Variants in AGO2 observed in about 807,000 individuals in gnomAD.
AGO2 encodes the protein argonaute RISC catalytic component 2.
AGO2 carries 5 observed loss-of-function variants against 102.3 expected under a neutral mutation model. The ratio of observed to expected loss-of-function variants is 0.05; its 90% confidence interval spans 0.03 to 0.10. AGO2 has a LOEUF of 0.10. Among genes scored for constraint, AGO2 ranks in the 10% least tolerant of loss-of-function variants. The probability of loss-of-function intolerance (pLI) is 1.00; values close to 1 mark genes in which losing one functional copy is unlikely to be tolerated. For synonymous variants in AGO2, 449 were observed against 473.1 expected (o/e 0.95, Z 0.66); for missense variants, 541 against 1,183.7 (o/e 0.46, Z 7.97).
chr8:140,613,313 G>A (rs1306185413), intron 1 of AGO2, among the ~76,000 whole-genome samples: 1 of 152,164 alleles, frequency 6.6e-6, no homozygotes, highest in Non-Finnish European at 1.5e-5. Flanking sequence ...TAGGAAAAAT[G>A]TAAAACTACG....
intron 1 of AGO2, among the ~76,000 whole-genome samples, chr8:140,623,853 C>G (rs930202115): frequency 6.6e-6 from 1 of 152,022 alleles, no homozygotes; most frequent in Admixed American, 6.5e-5. Context: ...AAAGGGTAAG[C>G]GAGTTTCAAC....
chr8:140,559,571 G>A, intron 5 of AGO2, 42 bp from the exon 6 acceptor site: 1 of 1,591,536 alleles, frequency 6.3e-7, no homozygotes, highest in African/African-American at 1.4e-5. Flanking sequence ...CATGACTGTG[G>A]GGCTGCTGGA....
At chr8:140,639,909 G>A (rs148996883), upstream of AGO2, among the ~76,000 whole-genome samples, 196 of 152,316 alleles carry the variant, frequency 1.3e-3, 4 homozygotes, top group East Asian at 0.033. Context: ...ACTGGTGAGC[G>A]TGTCTGAATA....
At chr8:140,583,032 C>T (rs1042539108) in intron 2 of AGO2, among the ~76,000 whole-genome samples, 2 of 152,240 alleles carry the variant, frequency 1.3e-5, no homozygotes. Flanking sequence ...GATCTGCCCC[C>T]AGTGTGGGTA....
intron 1 of AGO2, among the ~76,000 whole-genome samples, chr8:140,597,138 G>A (rs747105416): frequency 1.7e-4 from 26 of 152,220 alleles, no homozygotes; most frequent in Middle Eastern, 3.2e-3. Context: ...GAGCTGTTTC[G>A]TTCATTTATA....
In AGO2 at chr8:140,567,895, C is replaced by A. The variant is rs547299607; in HGVS notation, c.336+4917G>T. 5.2e-4 allele frequency among the ~76,000 whole-genome samples: 79 copies of A among 152,180 alleles called. No individual in the cohort carries two copies. Among genetic ancestry groups the A allele is most frequent in the African/African-American group, 1.9e-3 (79 of 41,544 alleles). On this transcript the variant is annotated intron_variant, in intron 3 of 18. Coordinates refer to ENST00000220592, the MANE Select transcript of AGO2 (RefSeq NM_012154.5). This position sits in a 1 kb window ranked among gnomAD's most constrained non-coding sequence, Gnocchi z 5.0. Reference sequence around the variant, plus strand: ...ATCCCAGTACCGTGGGAGGCCGAGGCGGGCTGGATCGCTTGAGCTCAGGAG... The same window carrying A: ...ATCCCAGTACCGTGGGAGGCCGAGGAGGGCTGGATCGCTTGAGCTCAGGAG...
At chr8:140,584,485 GTATT>G (rs1486489018) in intron 2 of AGO2, among the ~76,000 whole-genome samples, 1 of 152,158 alleles carries the variant, frequency 6.6e-6, no homozygotes, top group Non-Finnish European at 1.5e-5. Flanking sequence ...CTACTCCTAG[GTATT>G]TATTTAAGAG....
chr8:140,535,095 G>A (rs912189030), intron 17 of AGO2, among the ~76,000 whole-genome samples: 1 of 152,192 alleles, frequency 6.6e-6, no homozygotes, highest in Non-Finnish European at 1.5e-5. Flanking sequence ...TGCCCCATGC[G>A]GCCCCTGCAG....
chr8:140,579,084 G>A (rs978781383), intron 2 of AGO2, among the ~76,000 whole-genome samples: 15 of 152,244 alleles, frequency 9.9e-5, no homozygotes, highest in African/African-American at 3.6e-4. Flanking sequence ...TTAGTGGAGT[G>A]TGGTGGTGCG....
In AGO2 at chr8:140,560,252, G is replaced by A. The variant is rs566475271; in HGVS notation, c.655+122C>T. The A allele has an allele frequency of 8.5e-6, 12 of 1,410,340 alleles. No homozygotes were observed. The East Asian group carries it at 9.3e-5, about 11-fold the overall frequency. 87.4% of individuals were successfully genotyped at this position (1,410,340 alleles called of 1,614,324 possible). A position where few individuals can be genotyped will look rare whatever the true frequency, so the allele number is the denominator to read the frequency against. ...TGAGACCAGCCAGGTGTCACGCAGC[G>A]GCGCTGGCTCTGACAGAGGCCATGC... is the stretch of plus-strand genomic sequence containing the variant. On this transcript the variant is annotated intron_variant, in intron 5 of 18. Coordinates refer to ENST00000220592, the MANE Select transcript of AGO2 (RefSeq NM_012154.5).
chr8:140,592,683 CA>C (rs1251508115), intron 1 of AGO2: 4 of 152,182 alleles, frequency 2.6e-5, no homozygotes, highest in African/African-American at 2.4e-5. Flanking sequence ...TTAGTAGAGA[CA>C]GGGGTCTTGC....
chr8:140,548,434 G>T (rs2072939872), intron 12 of AGO2, among the ~76,000 whole-genome samples: 2 of 151,914 alleles, frequency 1.3e-5, no homozygotes, highest in Admixed American at 1.3e-4. Flanking sequence ...CCAAATCCTT[G>T]GCAGATGTAG....
At chr8:140,571,434 G>T (rs1344472194) in intron 3 of AGO2, among the ~76,000 whole-genome samples, 1 of 152,224 alleles carries the variant, frequency 6.6e-6, no homozygotes, top group Non-Finnish European at 1.5e-5. Context: ...GGAAATTGAA[G>T]GCTACAGCAA....
chr8:140,639,089 A>C (rs2074427027), upstream of AGO2, among the ~76,000 whole-genome samples: 1 of 152,066 alleles, frequency 6.6e-6, no homozygotes, highest in Non-Finnish European at 1.5e-5. Flanking sequence ...GGCTGGTTTC[A>C]AATTCCTGGG....
intron 1 of AGO2, among the ~76,000 whole-genome samples, chr8:140,618,509 T>G (rs563971099): frequency 6.7e-6 from 1 of 149,918 alleles, no homozygotes. Context: ...ATTGTAAATA[T>G]ACAAATATGC....
chr8:140,586,124 A>AT (rs1225718204), intron 1 of AGO2, among the ~76,000 whole-genome samples: 2 of 152,356 alleles, frequency 1.3e-5, no homozygotes, highest in African/African-American at 4.8e-5. Context: ...ACAGACTTCC[A>AT]TGACACTCCA....
chr8:140,584,748 A>C (rs2073623904), intron 2 of AGO2, among the ~76,000 whole-genome samples: 1 of 152,162 alleles, frequency 6.6e-6, no homozygotes. Context: ...CCTGGAAACT[A>C]ATCTATGTGA....
intron 6 of AGO2, 139 bp from the exon 7 acceptor site, chr8:140,558,711 G>A: frequency 1.2e-6 from 1 of 849,132 alleles, no homozygotes; most frequent in Non-Finnish European, 1.8e-6. Flanking sequence ...TAGGGAGGGT[G>A]ACCCACAGGT....
At position 140,558,111 on chromosome 8, in the gene AGO2, C is replaced by T. The variant is rs182539684; in HGVS notation, c.878+374G>A. ...CCTGCGTACCAAACCGTGCTCTTGC[C>T]GTAATGATGGGACACGCGGACTGGC... On this transcript the variant is annotated intron_variant, in intron 7 of 18. Coordinates refer to ENST00000220592, the MANE Select transcript of AGO2 (RefSeq NM_012154.5). Among the ~76,000 whole-genome samples the T allele has an allele frequency of 1.2e-3, 179 of 152,326 alleles. No homozygotes were observed. The South Asian group carries it at 0.025, about 21-fold the overall frequency.
Sources: allele counts gnomAD v4.1 joint callset (sites outside exome capture counted in the v4.1 genomes callset), GRCh38; gene constraint gnomAD v4.1.1; non-coding constraint Gnocchi (gnomAD v3.1); transcripts MANE v1.5; gene names NCBI Gene and HGNC (gene_info 2026-07-23, HGNC 2026-07-21).